TMEM117: variants seen among roughly 807,000 people sequenced by gnomAD.
TMEM117 encodes the protein transmembrane protein 117.
TMEM117 carries 27 observed loss-of-function variants against 52.4 expected under a neutral mutation model. That is an observed-to-expected ratio of 0.51 (90% confidence interval 0.38 to 0.71). The LOEUF is 0.71. Ranked by LOEUF, TMEM117 falls within the 30% of genes least tolerant of loss-of-function variation. The probability of loss-of-function intolerance (pLI) is 0.00; values close to 1 mark genes in which losing one functional copy is unlikely to be tolerated. For synonymous variants in TMEM117, 215 were observed against 206.3 expected (o/e 1.04, Z -0.36); for missense variants, 556 against 630.5 (o/e 0.88, Z 1.26).
chr12:43,978,273 T>A (rs1945704588), intron 3 of TMEM117, among the ~76,000 whole-genome samples: 1 of 152,148 alleles, frequency 6.6e-6, no homozygotes, highest in African/African-American at 2.4e-5. Context: ...GACGTGTATG[T>A]TGATCCAGCA....
intron 3 of TMEM117, among the ~76,000 whole-genome samples, chr12:43,965,429 T>C (rs954180492): frequency 1.3e-5 from 2 of 152,184 alleles, no homozygotes; most frequent in South Asian, 2.1e-4. Flanking sequence ...AATTGTAACC[T>C]GTGCAAATTG....
At chr12:44,342,634 A>G (rs963453577) in intron 6 of TMEM117, among the ~76,000 whole-genome samples, 1 of 143,102 alleles carries the variant, frequency 7.0e-6, no homozygotes, top group Non-Finnish European at 1.5e-5. Flanking sequence ...TGAGTTGCTG[A>G]TTAGTCAAAA....
intron 1 of TMEM117, among the ~76,000 whole-genome samples, chr12:43,839,164 T>A (rs1234115066): frequency 6.6e-6 from 1 of 152,168 alleles, no homozygotes; most frequent in Non-Finnish European, 1.5e-5. Context: ...TCCAAGTTGC[T>A]GCATCTTTGG....
At chr12:44,272,943 T>C (rs1229445286) in intron 5 of TMEM117, among the ~76,000 whole-genome samples, 1 of 152,218 alleles carries the variant, frequency 6.6e-6, no homozygotes, top group Admixed American at 6.5e-5. Flanking sequence ...GTGGCGCTAT[T>C]CACAATAGCA....
At chr12:44,150,897 A>G (rs1209173959) in intron 4 of TMEM117, among the ~76,000 whole-genome samples, 1 of 152,210 alleles carries the variant, frequency 6.6e-6, no homozygotes, top group Non-Finnish European at 1.5e-5. Flanking sequence ...ATGTATAGAC[A>G]CTTAAGAACA....
At chr12:43,887,991 G>C (rs1042243508) in intron 2 of TMEM117, among the ~76,000 whole-genome samples, 1 of 152,132 alleles carries the variant, frequency 6.6e-6, no homozygotes, top group Admixed American at 6.5e-5. Context: ...TTGTATAGCT[G>C]GTGTGCCAAA....
At chr12:44,298,323 A>T (rs1401354613) in intron 5 of TMEM117, among the ~76,000 whole-genome samples, 3 of 150,630 alleles carry the variant, frequency 2.0e-5, no homozygotes, top group Non-Finnish European at 4.4e-5. Context: ...GTGTTCTACA[A>T]TGTTATTTCA....
At chr12:44,389,799 C>T (rs921840903), downstream of TMEM117, 28 of 152,036 alleles carry the variant, frequency 1.8e-4, no homozygotes, top group African/African-American at 6.8e-4. Flanking sequence ...TGTATCTTGG[C>T]TTAAGAAAAG....
At chr12:43,884,302 T>C (rs978737112) in intron 2 of TMEM117, among the ~76,000 whole-genome samples, 1 of 152,074 alleles carries the variant, frequency 6.6e-6, no homozygotes, top group African/African-American at 2.4e-5. Context: ...TGTGGTAATA[T>C]ACTTTTAGAT....
At chr12:44,207,090 A>G (rs1360798249) in intron 4 of TMEM117, among the ~76,000 whole-genome samples, 1 of 152,222 alleles carries the variant, frequency 6.6e-6, no homozygotes, top group African/African-American at 2.4e-5. Flanking sequence ...AAATAAAATG[A>G]CAAACTATCA....
intron 6 of TMEM117, among the ~76,000 whole-genome samples, chr12:44,304,011 T>G (rs1337879800): frequency 6.6e-6 from 1 of 152,168 alleles, no homozygotes; most frequent in Non-Finnish European, 1.5e-5. Context: ...TAACAATTCA[T>G]ATAAGAAAGC....
chr12:43,914,191 A>T (rs1453861357), intron 2 of TMEM117, among the ~76,000 whole-genome samples: 5 of 151,948 alleles, frequency 3.3e-5, no homozygotes, highest in African/African-American at 1.2e-4. Flanking sequence ...TCGGGAGGGG[A>T]TGTGCTTGAA....
chr12:43,880,958 T>C (rs965982431), intron 2 of TMEM117, among the ~76,000 whole-genome samples: 17 of 152,238 alleles, frequency 1.1e-4, no homozygotes, highest in African/African-American at 4.1e-4. Flanking sequence ...TTTTATGTTC[T>C]TGTTACCTGT....
chr12:44,185,224 A>G (rs993569902), intron 4 of TMEM117, among the ~76,000 whole-genome samples: 9 of 152,222 alleles, frequency 5.9e-5, no homozygotes, highest in Admixed American at 5.9e-4. Context: ...TGACTTTTCT[A>G]GTATCTAGTC....
At chr12:44,250,758 T>C (rs1950187544) in intron 5 of TMEM117, among the ~76,000 whole-genome samples, 1 of 152,194 alleles carries the variant, frequency 6.6e-6, no homozygotes, top group Admixed American at 6.5e-5. Flanking sequence ...AAACACTGCA[T>C]GTTCTTGCTC....
chr12:43,821,239 C>T, the TMEM117 span, among the ~76,000 whole-genome samples: 2 of 152,056 alleles, frequency 1.3e-5, no homozygotes, highest in African/African-American at 4.8e-5. Context: ...TATTGTGTGA[C>T]TGAAATCATG....
intron 6 of TMEM117, among the ~76,000 whole-genome samples, chr12:44,306,284 G>T (rs1274898397): frequency 2.6e-5 from 4 of 151,770 alleles, no homozygotes; most frequent in Non-Finnish European, 4.4e-5. Context: ...AATAAAATTG[G>T]AAATTATTTT....
At chr12:44,316,073 G>A (rs1432340958) in intron 6 of TMEM117, among the ~76,000 whole-genome samples, 2 of 152,082 alleles carry the variant, frequency 1.3e-5, no homozygotes, top group Non-Finnish European at 1.5e-5. Flanking sequence ...TTTCACTCAA[G>A]GTTAATATTG....
intron 3 of TMEM117, among the ~76,000 whole-genome samples, chr12:43,977,621 G>T (rs1009880182): frequency 2.6e-5 from 4 of 152,100 alleles, no homozygotes. Context: ...TAGTAGTGTT[G>T]CAGGGTCCTT....
Sources: gnomAD v4.1 joint callset for allele counts (sites outside exome capture counted in the v4.1 genomes callset) on GRCh38, gnomAD v4.1.1 for gene constraint, MANE v1.5 for transcripts, NCBI Gene and HGNC (gene_info 2026-07-23, HGNC 2026-07-21) for gene names.